Variants in CERS3 observed in about 807,000 individuals in gnomAD.
CERS3 encodes the protein LAG1 homolog, ceramide synthase 3.
Under a neutral mutation model 50.3 loss-of-function variants are expected in CERS3, and 33 were observed. That is an observed-to-expected ratio of 0.66 (90% CI 0.50 to 0.88). The LOEUF (loss-of-function observed/expected upper bound fraction) is 0.88, where lower values mean the gene tolerates loss of function less well. Ranked by LOEUF, CERS3 falls within the 40% of genes least tolerant of loss-of-function variation. The pLI is 0.00. For synonymous variants in CERS3, 176 were observed against 155.2 expected (o/e 1.13, Z -0.99); for missense variants, 470 against 460.3 (o/e 1.02, Z -0.19).
At chr15:100,409,795 C>T (rs2011250) in intron 11 of CERS3, among the ~76,000 whole-genome samples, 37,507 of 152,058 alleles carry the variant, frequency 0.25, 5,081 homozygotes, top group East Asian at 0.42. Flanking sequence ...AATTGTTGGC[C>T]CTGACCCCTT....
chr15:100,418,994 C>A (rs921794917), intron 11 of CERS3, among the ~76,000 whole-genome samples: 76 of 151,198 alleles, frequency 5.0e-4, no homozygotes, highest in African/African-American at 1.6e-3. Flanking sequence ...ATTGTAAAGA[C>A]CATCGAGACT....
At chr15:100,439,585 T>C (rs904597268) in intron 11 of CERS3, among the ~76,000 whole-genome samples, 3 of 152,244 alleles carry the variant, frequency 2.0e-5, no homozygotes, top group African/African-American at 7.2e-5. Flanking sequence ...ATGCATTAAA[T>C]GCTAAACGCT....
At chr15:100,426,936 C>A (rs1417179844) in intron 11 of CERS3, among the ~76,000 whole-genome samples, 1 of 152,220 alleles carries the variant, frequency 6.6e-6, no homozygotes, top group Non-Finnish European at 1.5e-5. Context: ...CTGTTACACT[C>A]AATTGGGTCC....
chr15:100,469,632 CA>C (rs1337073870), intron 9 of CERS3, 148 bp from the exon 10 acceptor site: 6 of 600,938 alleles, frequency 1.0e-5, no homozygotes, highest in Non-Finnish European at 1.8e-5. Flanking sequence ...ATAGATAAAA[CA>C]AGACTGGCCA....
intron 10 of CERS3, among the ~76,000 whole-genome samples, chr15:100,465,928 G>A (rs1441715592): frequency 1.3e-5 from 2 of 152,128 alleles, no homozygotes; most frequent in Non-Finnish European, 2.9e-5. Context: ...CAAAGTGCTG[G>A]GATTACAGGC....
chr15:100,431,042 T>C (rs950378114), intron 11 of CERS3, among the ~76,000 whole-genome samples: 2 of 152,174 alleles, frequency 1.3e-5, no homozygotes, highest in African/African-American at 4.8e-5. Context: ...GCCTGAGATA[T>C]TGTATTTCTA....
chr15:100,418,137 T>C (rs917175462), intron 11 of CERS3, among the ~76,000 whole-genome samples: 6 of 152,058 alleles, frequency 3.9e-5, no homozygotes, highest in African/African-American at 1.4e-4. Context: ...TACTCTGAGC[T>C]ACGGGAGGAC....
Position 100,404,362 on chromosome 15 carries a change from A to G in CERS3, c.1000-1497T>C, listed in dbSNP as rs543116722. On this transcript the variant is annotated intron_variant, in intron 11 of 11. Transcript: ENST00000679737. The stretch of plus-strand genomic sequence containing the variant: ...TTTAAAAATCTGTGCCATTTATAAT[A>G]GTTTCAAAAATCAAATACCTAGGTA... Among the ~76,000 whole-genome samples the G allele has an allele frequency of 2.0e-5, 3 of 152,366 alleles. No individual in the cohort carries two copies. The East Asian group carries it at 5.8e-4, about 29-fold the overall frequency.
chr15:100,431,312 TAAATGGTTCTTTAA>T lies in CERS3; in HGVS notation c.999+24567_999+24580del, dbSNP rs150391297. On this transcript the variant is annotated intron_variant, in intron 11 of 11. Transcript: ENST00000679737. Reference sequence around the variant, plus strand: ...TGCAAGTATGTCTCACTTTATATAATAAATGGTTCTTTAAAAATAATCATTTTATAAAATAAATC... The same window carrying T: ...TGCAAGTATGTCTCACTTTATATAATAAATAATCATTTTATAAAATAAATC... Among the ~76,000 whole-genome samples the T allele has an allele frequency of 4.1e-3, 621 of 152,348 alleles. 28 individuals carry two copies. The East Asian group carries it at 0.1, about 25-fold the overall frequency.
chr15:100,543,400 T>C (rs1476720194), intron 1 of CERS3, among the ~76,000 whole-genome samples: 2 of 152,208 alleles, frequency 1.3e-5, no homozygotes, highest in African/African-American at 4.8e-5. Context: ...TTTAAAAACA[T>C]TTTCTAATGA....
intron 2 of CERS3, among the ~76,000 whole-genome samples, chr15:100,506,953 C>CA (rs1244035046): frequency 2.0e-5 from 3 of 151,906 alleles, no homozygotes; most frequent in African/African-American, 4.8e-5. Flanking sequence ...ATTATACCTC[C>CA]AAAAAAATAA....
At chr15:100,405,244 A>C (rs1175166926) in intron 11 of CERS3, among the ~76,000 whole-genome samples, 48 of 38,744 alleles carry the variant, frequency 1.2e-3, no homozygotes, top group Admixed American at 0.011. Context: ...AAAAAAAAAA[A>C]AAAACAAAAA....
intron 3 of CERS3, among the ~76,000 whole-genome samples, chr15:100,491,397 A>G (rs900169776): frequency 9.8e-5 from 15 of 152,310 alleles, no homozygotes; most frequent in South Asian, 4.1e-4. Context: ...TAGGGCAATT[A>G]TACATTTAAC....
At chr15:100,533,533 CTTCT>C (rs2036993350), upstream of CERS3, among the ~76,000 whole-genome samples, 1 of 145,356 alleles carries the variant, frequency 6.9e-6, no homozygotes, top group South Asian at 2.2e-4. Context: ...TCTTTCGTTC[CTTCT>C]TTCCTTCCTT....
intron 2 of CERS3, among the ~76,000 whole-genome samples, chr15:100,510,195 C>T (rs967576149): frequency 1.3e-5 from 2 of 152,032 alleles, no homozygotes; most frequent in African/African-American, 4.8e-5. Flanking sequence ...GATAGAACAA[C>T]TTAACCTTGA....
At chr15:100,495,256 C>G (rs1317770789) in intron 3 of CERS3, among the ~76,000 whole-genome samples, 1 of 152,184 alleles carries the variant, frequency 6.6e-6, no homozygotes, top group Non-Finnish European at 1.5e-5. Context: ...TTCTTCAAGG[C>G]TATCCAGAGA....
intron 2 of CERS3, among the ~76,000 whole-genome samples, chr15:100,509,581 G>A (rs1449472040): frequency 6.6e-6 from 1 of 152,194 alleles, no homozygotes; most frequent in East Asian, 1.9e-4. Context: ...CTGACAAAGT[G>A]CAAGGATGCG....
intron 11 of CERS3, among the ~76,000 whole-genome samples, chr15:100,434,263 C>T (rs969649586): frequency 9.9e-5 from 15 of 152,230 alleles, no homozygotes; most frequent in Non-Finnish European, 2.1e-4. Context: ...CATGGATCCA[C>T]GCGAAGAGTG....
intron 11 of CERS3, among the ~76,000 whole-genome samples, chr15:100,417,233 CGT>C (rs1399668009): frequency 2.0e-5 from 3 of 151,318 alleles, no homozygotes; most frequent in Admixed American, 6.6e-5. Flanking sequence ...GTGCACCGTG[CGT>C]GAGCCGAAGC....
Sources: allele counts gnomAD v4.1 joint callset (sites outside exome capture counted in the v4.1 genomes callset), GRCh38; gene constraint gnomAD v4.1.1; transcripts MANE v1.5; gene names NCBI Gene and HGNC (gene_info 2026-07-23, HGNC 2026-07-21).